Variants in DOCK8 observed in about 807,000 individuals in gnomAD.
The protein encoded by DOCK8 is dedicator of cytokinesis 8, also known as dedicator of cytokinesis protein 8.
Under a neutral mutation model 245.6 loss-of-function variants are expected in DOCK8, and 141 were observed. The observed-to-expected ratio is 0.57, with a 90% CI of 0.50 to 0.66. The LOEUF (loss-of-function observed/expected upper bound fraction) is 0.66. Ranked by LOEUF, DOCK8 falls within the 30% of genes least tolerant of loss-of-function variation. The probability of loss-of-function intolerance (pLI) is 0.00; values close to 1 mark genes in which losing one functional copy is unlikely to be tolerated. For synonymous variants in DOCK8, 1,168 were observed against 970.2 expected (o/e 1.20, Z -3.79); for missense variants, 2,965 against 2,603.4 (o/e 1.14, Z -3.02).
At chr9:342,297 C>CTTTTTT (rs34071975) in intron 14 of DOCK8, among the ~76,000 whole-genome samples, 217 of 124,162 alleles carry the variant, frequency 1.7e-3, no homozygotes, top group East Asian at 4.9e-3. Flanking sequence ...TTTCTTTTTT[C>CTTTTTT]TTTTTTTTTT....
chr9:372,325 C>G, intron 18 of DOCK8, 39 bp downstream of exon 18: 1 of 1,538,312 alleles, frequency 6.5e-7, no homozygotes, highest in Non-Finnish European at 9.0e-7. Flanking sequence ...TCTTGTCCAG[C>G]TGTAGTCTTG....
intron 4 of DOCK8, among the ~76,000 whole-genome samples, chr9:290,689 G>A (rs1213462272): frequency 6.6e-6 from 1 of 152,098 alleles, no homozygotes; most frequent in Non-Finnish European, 1.5e-5. Flanking sequence ...AGTGAGATGT[G>A]GACTCTCTAC....
rs79772149 is a variant in DOCK8, at chr9:271,534, A to G, written c.54-93A>G. 8,834 of 1,020,820 alleles carry G rather than the reference A, an allele frequency of 8.7e-3. 434 individuals are homozygous for G. The African/African-American group carries it at 0.11, about 13-fold the overall frequency. 63.2% of individuals were successfully genotyped at this position (1,020,820 alleles called of 1,614,324 possible). On this transcript the variant is annotated intron_variant, in intron 1 of 47. Transcript: ENST00000432829. Reference sequence around the variant, plus strand: ...TCTGCTCATTGCCCAGCCAAGGCCTACGTTTTATAACATGATATCAAAGAT... The same window carrying G: ...TCTGCTCATTGCCCAGCCAAGGCCTGCGTTTTATAACATGATATCAAAGAT...
intron 14 of DOCK8, among the ~76,000 whole-genome samples, chr9:343,909 C>A (rs1434385749): frequency 6.6e-6 from 1 of 152,252 alleles, no homozygotes; most frequent in African/African-American, 2.4e-5. Flanking sequence ...TTACAATGTT[C>A]TCTACTCGTT....
intron 7 of DOCK8, among the ~76,000 whole-genome samples, chr9:319,332 A>G (rs1273308721): frequency 2.0e-5 from 3 of 152,220 alleles, no homozygotes; most frequent in African/African-American, 7.2e-5. Flanking sequence ...TGAAAATTGT[A>G]AAGTGCAGTT....
intron 1 of DOCK8, among the ~76,000 whole-genome samples, chr9:262,259 T>C (rs1054118333): frequency 6.6e-6 from 1 of 151,974 alleles, no homozygotes; most frequent in Admixed American, 6.5e-5. Flanking sequence ...GTTGAACATA[T>C]GGAAAAACTG....
rs774602558 is a variant in DOCK8, at chr9:433,876, T to C, written c.4787T>C (p.Val1596Ala). The change falls in exon 38 of 48, where the codon GTG becomes GCG. Residue 1596 changes from valine to alanine, a missense_variant and splice_region_variant. This residue lies in a region of DOCK8 where 2,825 missense variants were observed against 2,453.5 expected (regional missense o/e 1.15). Transcript: ENST00000432829. ...AMQMTPFPTQVEELLCNLNSI... is the reference protein window; with the variant it reads ...AMQMTPFPTQAEELLCNLNSI... ...TTTTGAGGCTTACACTTTTTGCAGG[T>C]GGAGGAACTTCTCTGTAATCTGAAT... 17 of 1,613,192 alleles carry C rather than the reference T, an allele frequency of 1.1e-5. No homozygotes were observed. Among genetic ancestry groups the C allele is most frequent in the Non-Finnish European group, 1.4e-5 (17 of 1,179,140 alleles).
intron 6 of DOCK8, among the ~76,000 whole-genome samples, chr9:314,814 A>G (rs948617453): frequency 5.5e-5 from 6 of 108,680 alleles, no homozygotes; most frequent in Admixed American, 3.5e-4. Context: ...AGATTTTTAA[A>G]TATATCATTA....
chr9:413,373 C>T (rs1466474278), intron 28 of DOCK8, among the ~76,000 whole-genome samples: 2 of 151,764 alleles, frequency 1.3e-5, no homozygotes, highest in African/African-American at 2.4e-5. Context: ...ATGACACACT[C>T]GAAAGTATGA....
In DOCK8 at chr9:418,074, A is replaced by T. The variant is rs2056106762; in HGVS notation, c.3707A>T (p.Asp1236Val). ...AACGATGTTTTCATTGCAGTTGCAG[A>T]TACTCGCAGATACCGCACCAGTGGC... ...LPQLCDFTVA[D>V]TRRYRTSGSD... Residue 1236 changes from aspartate to valine, a missense_variant, in exon 30 of 48, where the codon GAT becomes GTT. Coordinates refer to ENST00000432829, the MANE Select transcript of DOCK8 (RefSeq NM_203447.4). 11 of 1,614,224 alleles carry T rather than the reference A, an allele frequency of 6.8e-6. No homozygotes were observed. The highest frequency in any genetic ancestry group is 8.5e-6 in the Non-Finnish European group (10 of 1,180,036).
intron 1 of DOCK8, among the ~76,000 whole-genome samples, chr9:261,560 G>A (rs1052749468): frequency 6.6e-6 from 1 of 152,156 alleles, no homozygotes; most frequent in African/African-American, 2.4e-5. Context: ...TTTAATGTGT[G>A]CAAGAAGAAT....
At chr9:421,169 T>C (rs1164889549) in intron 32 of DOCK8, 91 bp downstream of exon 32, 1 of 1,537,616 alleles carries the variant, frequency 6.5e-7, no homozygotes, top group African/African-American at 1.4e-5. Flanking sequence ...TAGACACCAT[T>C]ACTTTCTTGA....
chr9:345,272 C>T (rs573585059), intron 14 of DOCK8, among the ~76,000 whole-genome samples: 15 of 152,102 alleles, frequency 9.9e-5, no homozygotes, highest in Non-Finnish European at 1.8e-4. Context: ...AATATTTCTT[C>T]GTTTATAGAG....
chr9:462,028 A>T (rs1408126934), intron 46 of DOCK8, among the ~76,000 whole-genome samples: 2 of 147,222 alleles, frequency 1.4e-5, no homozygotes, highest in Admixed American at 1.3e-4. Context: ...ACCTCTCTAT[A>T]TTAACTTTGG....
At chr9:441,590 C>G (rs1177938037) in intron 41 of DOCK8, among the ~76,000 whole-genome samples, 173 bp downstream of exon 41, 6 of 152,162 alleles carry the variant, frequency 3.9e-5, no homozygotes, top group Admixed American at 3.9e-4. Context: ...GACCAAAATT[C>G]CATATGTGAA....
rs141451302 is a variant in DOCK8 at position 379,774 on chromosome 9, A to C, written c.2444A>C (p.Asn815Thr). Residue 815 changes from asparagine to threonine, a missense_variant, in exon 21 of 48, where the codon AAC becomes ACC. By Grantham distance (65) the Asn-to-Thr change is moderately conservative (BLOSUM62 0). Transcript: ENST00000432829. ...QPMVIAGQTA[N>T]FSQFAFESVV... ...CATTTTTCTCTTGGTTCCTCAGCCAACTTCTCCCAGTTTGCCTTCGAGTCC... is the reference window on the plus strand; with the variant it reads ...CATTTTTCTCTTGGTTCCTCAGCCACCTTCTCCCAGTTTGCCTTCGAGTCC... 118 of 1,614,024 alleles carry C rather than the reference A, an allele frequency of 7.3e-5. 1 individual carries two copies. The highest frequency in any genetic ancestry group is 1.8e-5 in the Non-Finnish European group (21 of 1,180,044).
intron 37 of DOCK8, among the ~76,000 whole-genome samples, chr9:432,802 G>C (rs915485590): frequency 6.6e-6 from 1 of 152,170 alleles, no homozygotes; most frequent in Admixed American, 6.5e-5. Flanking sequence ...ATGGTAAAGG[G>C]ACCAGCTTGT....
chr9:422,900 G>A (rs1406186902), intron 33 of DOCK8, among the ~76,000 whole-genome samples: 3 of 151,444 alleles, frequency 2.0e-5, no homozygotes, highest in Non-Finnish European at 4.4e-5. Context: ...AGGAAGAGTC[G>A]CTTGAACCCG....
At position 304,699 on chromosome 9, in the gene DOCK8, G is replaced by A. The variant is rs1305161630; in HGVS notation, c.523G>A (p.Ala175Thr). 1.9e-6 allele frequency: 3 copies of A among 1,614,138 alleles called. No homozygotes were observed. The highest frequency in any genetic ancestry group is 2.5e-6 in the Non-Finnish European group (3 of 1,179,998). Reference protein sequence around the residue: ...SETLECSEPAAQAGPRHLNVL... With the variant: ...SETLECSEPATQAGPRHLNVL... ...AACCTTGGAGTGCAGTGAACCCGCT[G>A]CTCAGGTATTTCCTGTCAACAAACA... Residue 175 changes from alanine to threonine, a missense_variant, in exon 5 of 48, where the codon GCT (alanine) becomes ACT (threonine). Around this residue, in one of 3 missense-constraint regions of DOCK8, gnomAD observed 2,825 missense variants for 2,453.5 expected, o/e 1.15. Coordinates refer to ENST00000432829, the MANE Select transcript of DOCK8 (RefSeq NM_203447.4).
Sources: gnomAD v4.1 joint callset for allele counts (sites outside exome capture counted in the v4.1 genomes callset) on GRCh38, gnomAD v4.1.1 for gene constraint, gnomAD v4.1.1 regional missense constraint, MANE v1.5 for transcripts, NCBI Gene and HGNC (gene_info 2026-07-23, HGNC 2026-07-21) for gene names.